The following CHRM3 variants were observed in gnomAD, a reference collection of about 807,000 sequenced individuals.
The protein encoded by CHRM3 is muscarinic acetylcholine receptor M3.
In CHRM3, 11 loss-of-function variants were observed where a neutral mutation model predicts 41.8. The ratio of observed to expected loss-of-function variants is 0.26; its 90% CI spans 0.17 to 0.44. CHRM3 has a LOEUF of 0.44. Ranked by LOEUF, CHRM3 falls within the 20% of genes least tolerant of loss-of-function variation. CHRM3 has a pLI of 1.00. For missense variants in CHRM3, 571 were observed against 745.4 expected (o/e 0.77, Z 2.72); for synonymous variants, 297 against 301.4 (o/e 0.99, Z 0.15).
At position 239,910,708 on chromosome 1, in the gene CHRM3, T is replaced by C. The variant is rs1572666952; in HGVS notation, c.*1484T>C. On this transcript the variant is annotated 3_prime_UTR_variant, in exon 7 of 7. Coordinates refer to ENST00000676153, the MANE Select transcript of CHRM3 (RefSeq NM_001375978.1). ...GTTGTTGCTGCTGTAGCTGTTGGGG[T>C]TTCTTTTCCTGTTGCCGGGGCTGTT... 1 of 166,074 alleles carries C rather than the reference T, an allele frequency of 6.0e-6. No homozygotes were observed. The highest frequency in any genetic ancestry group is 2.4e-5 in the African/African-American group (1 of 41,198). 10.3% of individuals were successfully genotyped at this position (166,074 alleles called of 1,614,324 possible).
chr1:239,422,601 C>T (rs1662039978), intron 1 of CHRM3, among the ~76,000 whole-genome samples: 1 of 152,068 alleles, frequency 6.6e-6, no homozygotes. Context: ...AGAGACCACC[C>T]TGGCTAACAC....
At chr1:239,536,640 G>A (rs1658228115) in intron 2 of CHRM3, among the ~76,000 whole-genome samples, 1 of 152,154 alleles carries the variant, frequency 6.6e-6, no homozygotes, top group African/African-American at 2.4e-5. Flanking sequence ...CCAAAGACTA[G>A]TGAAGATAGC....
chr1:239,704,647 G>A (rs1375479333), intron 5 of CHRM3: 1 of 152,158 alleles, frequency 6.6e-6, no homozygotes, highest in African/African-American at 2.4e-5. Context: ...ATACCAGAAG[G>A]AGGAAAGGTT....
At chr1:239,610,189 T>A (rs1468736802) in intron 3 of CHRM3, among the ~76,000 whole-genome samples, 1 of 5,898 alleles carries the variant, frequency 1.7e-4, no homozygotes, top group African/African-American at 5.0e-4. Flanking sequence ...CAAGACTCTG[T>A]CAAAAAAAAA....
At chr1:239,618,241 A>G (rs2148793200) in intron 3 of CHRM3, among the ~76,000 whole-genome samples, 2 of 145,764 alleles carry the variant, frequency 1.4e-5, no homozygotes, top group South Asian at 2.2e-4. Flanking sequence ...AGAGATAGAC[A>G]TGTGAATAGA....
At chr1:239,695,128 A>G (rs1193762726) in intron 5 of CHRM3, among the ~76,000 whole-genome samples, 1 of 152,120 alleles carries the variant, frequency 6.6e-6, no homozygotes, top group Non-Finnish European at 1.5e-5. Context: ...CTTCTGCCTC[A>G]GCCTCCTGAG....
chr1:239,554,564 G>C (rs1172023733), intron 3 of CHRM3, among the ~76,000 whole-genome samples: 1 of 151,852 alleles, frequency 6.6e-6, no homozygotes, highest in Non-Finnish European at 1.5e-5. Flanking sequence ...AATGAAAGCA[G>C]CTCCTTTTTT....
intron 1 of CHRM3, among the ~76,000 whole-genome samples, chr1:239,398,297 A>T (rs187448554): frequency 1.3e-5 from 2 of 152,136 alleles, no homozygotes; most frequent in Admixed American, 1.3e-4. Flanking sequence ...GTACAATGGC[A>T]TGATCTTGGC....
chr1:239,601,098 T>A (rs1665476429), intron 3 of CHRM3, among the ~76,000 whole-genome samples: 1 of 152,198 alleles, frequency 6.6e-6, no homozygotes, highest in South Asian at 2.1e-4. Flanking sequence ...TTATATAACT[T>A]CTTAAGTGGA....
At chr1:239,902,005 C>T (rs1679615947) in intron 6 of CHRM3, among the ~76,000 whole-genome samples, 1 of 151,998 alleles carries the variant, frequency 6.6e-6, no homozygotes, top group African/African-American at 2.4e-5. Context: ...TCTTATTTTC[C>T]TAGTGTGTAG....
At chr1:239,577,129 C>A (rs551305557) in intron 3 of CHRM3, among the ~76,000 whole-genome samples, 2 of 152,142 alleles carry the variant, frequency 1.3e-5, no homozygotes, top group Non-Finnish European at 1.5e-5. Flanking sequence ...AATCCAGAAG[C>A]TTCTAATAGA....
At chr1:239,594,310 C>T (rs1664541170) in intron 3 of CHRM3, among the ~76,000 whole-genome samples, 1 of 152,246 alleles carries the variant, frequency 6.6e-6, no homozygotes, top group South Asian at 2.1e-4. Context: ...AAAGCTTTTC[C>T]CCAAATAGGT....
At chr1:239,690,612 A>G (rs1318515457) in intron 5 of CHRM3, among the ~76,000 whole-genome samples, 1 of 152,054 alleles carries the variant, frequency 6.6e-6, no homozygotes, top group Non-Finnish European at 1.5e-5. Context: ...CATATTTAAC[A>G]CAAATTACTT....
At chr1:239,864,323 A>G (rs534783305) in intron 6 of CHRM3, among the ~76,000 whole-genome samples, 4 of 152,158 alleles carry the variant, frequency 2.6e-5, no homozygotes, top group Non-Finnish European at 5.9e-5. Context: ...CCCAACCAAC[A>G]TGGAGAAACC....
At chr1:239,811,081 G>A (rs569596899) in intron 5 of CHRM3, among the ~76,000 whole-genome samples, 29 of 152,254 alleles carry the variant, frequency 1.9e-4, no homozygotes, top group Non-Finnish European at 3.2e-4. Flanking sequence ...TTTTGAATTC[G>A]AACAGTTTAT....
intron 6 of CHRM3, among the ~76,000 whole-genome samples, chr1:239,885,538 C>T (rs1677994766): frequency 6.6e-6 from 1 of 152,090 alleles, no homozygotes; most frequent in Non-Finnish European, 1.5e-5. Flanking sequence ...AATATCACAA[C>T]ATGTTTCTGT....
chr1:239,653,401 C>T (rs1043462909), intron 4 of CHRM3, among the ~76,000 whole-genome samples: 3 of 151,978 alleles, frequency 2.0e-5, no homozygotes, highest in African/African-American at 7.3e-5. Flanking sequence ...TTTTTACAAC[C>T]GAGTGATGCA....
At chr1:239,854,358 C>T (rs915830048) in intron 6 of CHRM3, among the ~76,000 whole-genome samples, 1 of 151,906 alleles carries the variant, frequency 6.6e-6, no homozygotes, top group Non-Finnish European at 1.5e-5. Context: ...ACTATTCTGT[C>T]CACTGGTGAT....
At chr1:239,850,591 G>A (rs1287782918) in intron 6 of CHRM3, among the ~76,000 whole-genome samples, 3 of 152,128 alleles carry the variant, frequency 2.0e-5, no homozygotes, top group Admixed American at 6.6e-5. Context: ...ATATAATCTG[G>A]CTCTGTCTCC....
Sources: gnomAD v4.1 joint callset for allele counts (sites outside exome capture counted in the v4.1 genomes callset) on GRCh38, gnomAD v4.1.1 for gene constraint, MANE v1.5 for transcripts, NCBI Gene and HGNC (gene_info 2026-07-23, HGNC 2026-07-21) for gene names.